Variants in KCNG3 observed in about 807,000 individuals in gnomAD.
The protein encoded by KCNG3 is voltage-gated potassium channel regulatory subunit KCNG3.
In KCNG3, 15 loss-of-function variants were observed where a neutral mutation model predicts 29.0. The observed-to-expected ratio is 0.52, with a 90% CI of 0.35 to 0.80. The LOEUF (loss-of-function observed/expected upper bound fraction) is 0.80, where lower values mean the gene tolerates loss of function less well. Among genes scored for constraint, KCNG3 ranks in the 30% least tolerant of loss-of-function variants. The pLI, the probability that KCNG3 is intolerant of heterozygous loss-of-function variation, is 0.01. For missense variants in KCNG3, 512 were observed against 605.7 expected, an observed-to-expected ratio of 0.85 and a Z score of 1.62; for synonymous variants, 322 against 248.9, an observed-to-expected ratio of 1.29 and a Z score of -2.76.
chr2:42,428,118 A>G, the KCNG3 span, among the ~76,000 whole-genome samples: 1 of 152,186 alleles, frequency 6.6e-6, no homozygotes, highest in African/African-American at 2.4e-5. Flanking sequence ...TAAAATAGAA[A>G]GTATTCATCA....
the KCNG3 span, among the ~76,000 whole-genome samples, chr2:42,398,816 G>C: frequency 3.9e-5 from 6 of 152,276 alleles, no homozygotes; most frequent in East Asian, 7.7e-4. Flanking sequence ...CAGAGCTCCA[G>C]GGAGAAATGG....
At chr2:42,395,324 T>C in the KCNG3 span, among the ~76,000 whole-genome samples, 1 of 152,156 alleles carries the variant, frequency 6.6e-6, no homozygotes, top group Non-Finnish European at 1.5e-5. Flanking sequence ...CACTCCCTTT[T>C]ACAGCACACT....
At chr2:42,396,134 G>A in the KCNG3 span, among the ~76,000 whole-genome samples, 1 of 152,234 alleles carries the variant, frequency 6.6e-6, no homozygotes, top group Admixed American at 6.5e-5. Context: ...ATACCATACT[G>A]AAAGTAAAAA....
intron 1 of KCNG3, among the ~76,000 whole-genome samples, chr2:42,455,410 C>A (rs192420938): frequency 6.6e-6 from 1 of 152,158 alleles, no homozygotes; most frequent in Non-Finnish European, 1.5e-5. Context: ...GTCATTAACA[C>A]CAAACAGAAC....
the KCNG3 span, among the ~76,000 whole-genome samples, chr2:42,432,093 A>G: frequency 1.3e-5 from 2 of 151,928 alleles, no homozygotes; most frequent in African/African-American, 2.4e-5. Context: ...ATGGGTCTTC[A>G]AGGGCTTTTT....
intron 1 of KCNG3, among the ~76,000 whole-genome samples, chr2:42,490,025 C>A (rs187341765): frequency 2.0e-5 from 3 of 152,326 alleles, no homozygotes; most frequent in African/African-American, 4.8e-5. Flanking sequence ...ATATGCATAA[C>A]CCATTTACCC....
At chr2:42,486,810 C>G (rs1405582981) in intron 1 of KCNG3, among the ~76,000 whole-genome samples, 2 of 152,206 alleles carry the variant, frequency 1.3e-5, no homozygotes, top group Non-Finnish European at 2.9e-5. Context: ...CCCATACTGT[C>G]TGGCACAGCG....
chr2:42,463,900 G>C lies in KCNG3; in HGVS notation c.666-19321C>G, dbSNP rs1464818482. On this transcript the variant is annotated intron_variant, in intron 1 of 1. Transcript: ENST00000306078. ...AAATTCTAATCCCTTCTCAGATTTTGTTTTCAAATCAAGTTTTATTAAGCC... is the reference window on the plus strand; with the variant it reads ...AAATTCTAATCCCTTCTCAGATTTTCTTTTCAAATCAAGTTTTATTAAGCC... 1.3e-5 allele frequency: 4 copies of C among 304,116 alleles called. No individual in the cohort carries two copies. In the East Asian group the frequency reaches 4.9e-4, roughly 37 times the overall value. 18.8% of individuals were successfully genotyped at this position (304,116 alleles called of 1,614,324 possible). A position where few individuals can be genotyped will look rare whatever the true frequency, so the allele number is the denominator to read the frequency against.
chr2:42,441,381 C>CT (rs1672475319), downstream of KCNG3, among the ~76,000 whole-genome samples: 3 of 152,132 alleles, frequency 2.0e-5, no homozygotes, highest in South Asian at 6.2e-4. Context: ...AAGCAAAACT[C>CT]TATCTCTAGA....
chr2:42,465,224 T>C (rs946002101), intron 1 of KCNG3, among the ~76,000 whole-genome samples: 2 of 151,170 alleles, frequency 1.3e-5, no homozygotes, highest in Non-Finnish European at 3.0e-5. Context: ...TTTCTTTCTT[T>C]TTTTTTTTTT....
rs1204432971 is a variant in KCNG3 at position 42,444,860 on chromosome 2, G to A, written c.666-281C>T. 1.4e-4 allele frequency among the ~76,000 whole-genome samples: 21 copies of A among 149,972 alleles called. No individual in the cohort carries two copies. Among genetic ancestry groups the A allele is most frequent in the Non-Finnish European group, 5.9e-5 (4 of 67,670 alleles). ...GTGAATCGCTTGAGCCCAGGAGTTC[G>A]AGACCAACCTGGGCACCACAGCAAA... is the stretch of plus-strand genomic sequence containing the variant. On this transcript the variant is annotated intron_variant, in intron 1 of 1. Transcript: ENST00000306078. The surrounding 1 kb of genome is among the most constrained non-coding windows in gnomAD (Gnocchi z 5.8).
At chr2:42,456,758 A>T (rs1279037073) in intron 1 of KCNG3, among the ~76,000 whole-genome samples, 4 of 152,190 alleles carry the variant, frequency 2.6e-5, no homozygotes, top group Non-Finnish European at 5.9e-5. Context: ...AAGCCTTCAG[A>T]TTTAAATGTA....
rs760228503 is a variant in KCNG3, at chr2:42,492,890, G to C, written c.612C>G (p.Arg204=). 2 of 1,554,334 alleles carry C rather than the reference G, an allele frequency of 1.3e-6. No homozygotes were observed. The highest frequency in any genetic ancestry group is 2.4e-5 in the South Asian group (2 of 81,932). The change falls in exon 1 of 2, where the codon CGC becomes CGG. Residue 204 remains arginine (R), a synonymous_variant. Transcript: ENST00000306078. ...PDWRNAAADN[R]SLDDRSRYSA... ...AGTACCTGCTCCGGTCATCCAGGCT[G>C]CGGTTGTCGGCGGCTGCGTTGCGCC...
the KCNG3 span, among the ~76,000 whole-genome samples, chr2:42,404,764 G>C: frequency 6.6e-6 from 1 of 152,124 alleles, no homozygotes; most frequent in East Asian, 1.9e-4. Flanking sequence ...ACCAGATGCT[G>C]CCACTGGGGG....
chr2:42,484,543 T>C (rs1244427795), intron 1 of KCNG3, among the ~76,000 whole-genome samples: 1 of 152,216 alleles, frequency 6.6e-6, no homozygotes, highest in African/African-American at 2.4e-5. Flanking sequence ...TGCATGTATG[T>C]GTTTGTGTGT....
the KCNG3 span, among the ~76,000 whole-genome samples, chr2:42,411,260 CTTGT>C: frequency 6.6e-6 from 1 of 152,000 alleles, no homozygotes; most frequent in African/African-American, 2.4e-5. Flanking sequence ...TCTTGCCATT[CTTGT>C]TTATTTTTCC....
At chr2:42,408,083 C>T in the KCNG3 span, among the ~76,000 whole-genome samples, 1 of 152,218 alleles carries the variant, frequency 6.6e-6, no homozygotes, top group Non-Finnish European at 1.5e-5. Context: ...AGCCCCCTGC[C>T]ACCTTGGCCC....
At chr2:42,477,148 C>T (rs1174208055) in intron 1 of KCNG3, among the ~76,000 whole-genome samples, 6 of 146,872 alleles carry the variant, frequency 4.1e-5, no homozygotes, top group South Asian at 2.2e-4. Context: ...GCTGAGATTA[C>T]GCCACTGCAC....
chr2:42,415,439 C>A, the KCNG3 span: 2 of 152,164 alleles, frequency 1.3e-5, no homozygotes, highest in Non-Finnish European at 2.9e-5. Context: ...TTAAGAGTCT[C>A]ATGCTTCCAT....
Sources: allele counts gnomAD v4.1 joint callset (sites outside exome capture counted in the v4.1 genomes callset), GRCh38; gene constraint gnomAD v4.1.1; non-coding constraint Gnocchi (gnomAD v3.1); transcripts MANE v1.5; gene names NCBI Gene and HGNC (gene_info 2026-07-23, HGNC 2026-07-21).